Variants in CHRND observed in about 807,000 individuals in gnomAD.
CHRND encodes cholinergic receptor nicotinic delta subunit.
Under a neutral mutation model 57.8 loss-of-function variants are expected in CHRND, and 40 were observed. That is an observed-to-expected ratio of 0.69 (90% CI 0.54 to 0.90). The LOEUF (loss-of-function observed/expected upper bound fraction) is 0.90, where lower values mean the gene tolerates loss of function less well. Among genes scored for constraint, CHRND ranks in the 40% least tolerant of loss-of-function variants. CHRND has a pLI of 0.00. For missense variants in CHRND, 634 were observed against 673.9 expected (o/e 0.94, Z 0.66); for synonymous variants, 237 against 270.6 (o/e 0.88, Z 1.22).
chr2:232,535,953 C>T lies in CHRND; in HGVS notation c.*641C>T, dbSNP rs190008760. On this transcript the variant is annotated 3_prime_UTR_variant, in exon 12 of 12. Transcript: ENST00000258385. ...CACACACAATCCTAGAGGACCAGAA[C>T]GCAGCACCTCTCCCCAAAGGGTCCC... 148 of 454,142 alleles carry T rather than the reference C, an allele frequency of 3.3e-4. No homozygotes were observed. Among genetic ancestry groups the T allele is most frequent in the South Asian group, 1.1e-3 (74 of 64,480 alleles). The allele number at this position is 454,142 out of a possible 1,614,324, so 28.1% of individuals were successfully genotyped here.
rs763294373 is a variant in CHRND at position 232,526,526 on chromosome 2, C to T, written c.53-3C>T. 1.2e-6 allele frequency: 2 copies of T among 1,613,616 alleles called. No homozygotes were observed. The highest frequency in any genetic ancestry group is 1.7e-6 in the Non-Finnish European group (2 of 1,180,030). ...TTCAGTCCTTGTCGCTGACCCTCCC[C>T]AGGCAGCTGGGGGCTGAACGAGGAG... On this transcript the variant is annotated splice_region_variant and splice_polypyrimidine_tract_variant and intron_variant, in intron 1 of 11. Coordinates refer to ENST00000258385, the MANE Select transcript of CHRND (RefSeq NM_000751.3).
rs572811121 is a variant in CHRND, at chr2:232,528,935, G to A, written c.583G>A (p.Val195Met). The change falls in exon 6 of 12, where the codon GTG becomes ATG. Residue 195 changes from valine (V) to methionine (M), a missense_variant. By Grantham distance (21) the Val-to-Met change is conservative. Coordinates refer to ENST00000258385, the MANE Select transcript of CHRND (RefSeq NM_000751.3). ...QDAKENRTYP[V>M]EWIIIDPEGF... ...TGCCAAGGAGAACCGCACCTACCCCGTGGAGTGGATCATCATTGATCCTGA... is the reference window on the plus strand; with the variant it reads ...TGCCAAGGAGAACCGCACCTACCCCATGGAGTGGATCATCATTGATCCTGA... The A allele has an allele frequency of 1.5e-5, 24 of 1,614,068 alleles. 1 individual carries two copies. Among genetic ancestry groups the A allele is most frequent in the East Asian group, 1.1e-4 (5 of 44,876 alleles).
rs1014180637 is a variant in CHRND at position 232,536,170 on chromosome 2, T to C, written c.*858T>C. On this transcript the variant is annotated 3_prime_UTR_variant, in exon 12 of 12. Transcript: ENST00000258385. ...GGGCCAAAGGCCAAGGCTGCAGGAA[T>C]TGGGAGACAAGGGTCTGTTTGTATG... is the stretch of plus-strand genomic sequence containing the variant. The C allele has an allele frequency of 2.2e-6, 1 of 454,030 alleles. No individual in the cohort carries two copies. Among genetic ancestry groups the C allele is most frequent in the African/African-American group, 2.0e-5 (1 of 50,018 alleles). 28.1% of individuals were successfully genotyped at this position (454,030 alleles called of 1,614,324 possible). A position where few individuals can be genotyped will look rare whatever the true frequency, so the allele number is the denominator to read the frequency against.
chr2:232,531,612 T>G lies in CHRND; in HGVS notation c.1003T>G (p.Phe335Val), dbSNP rs1183468740. The G allele has an allele frequency of 2.5e-6, 4 of 1,613,712 alleles. No homozygotes were observed. Among genetic ancestry groups the G allele is most frequent in the Non-Finnish European group, 3.4e-6 (4 of 1,180,028 alleles). ...VICVIVLNIH[F>V]RTPSTHVLSE... Reference sequence around the variant, plus strand: ...CTGTGTCATCGTGCTCAACATCCACTTCCGAACACCCAGCACCCATGTGCT... The same window carrying G: ...CTGTGTCATCGTGCTCAACATCCACGTCCGAACACCCAGCACCCATGTGCT... Residue 335 changes from phenylalanine to valine, a missense_variant, in exon 9 of 12, where the codon TTC (phenylalanine) becomes GTC (valine). Transcript: ENST00000258385.
chr2:232,535,090 G>A, intron 11 of CHRND, 40 bp from the exon 12 acceptor site: 2 of 1,610,924 alleles, frequency 1.2e-6, no homozygotes, highest in Non-Finnish European at 1.7e-6. Context: ...TTTGTGGCCT[G>A]AGGCCCTTCT....
rs376017740 is a variant in CHRND at position 232,534,044 on chromosome 2, C to T, written c.1161C>T (p.Ala387=). 8.7e-6 allele frequency: 14 copies of T among 1,614,096 alleles called. 1 individual carries two copies. Among genetic ancestry groups the T allele is most frequent in the Middle Eastern group, 1.7e-4 (1 of 6,048 alleles). ...GCTCCCTGGGATACATCTCCAAGGC[C>T]GAGGAGTACTTCCTGCTCAAGTCCC... The part of the protein sequence containing the change: ...RSSSLGYISK[A]EEYFLLKSRS... The change falls in exon 10 of 12, where the codon GCC becomes GCT. Residue 387 remains alanine, a synonymous_variant. Coordinates refer to ENST00000258385, the MANE Select transcript of CHRND (RefSeq NM_000751.3).
Position 232,535,299 on chromosome 2 carries a change from A to G in CHRND, c.1541A>G (p.Lys514Arg). Residue 514 changes from lysine to arginine, a missense_variant, in exon 12 of 12, where the codon AAG (lysine) becomes AGG (arginine). Physicochemically the swap from Lys to Arg is conservative, Grantham distance 26 (BLOSUM62 2). Coordinates refer to ENST00000258385, the MANE Select transcript of CHRND (RefSeq NM_000751.3). ...GDPYSYNVQDKRFI is the reference protein window; with the variant it reads ...GDPYSYNVQDRRFI Reference sequence around the variant, plus strand: ...CCCTACTCCTACAACGTGCAGGACAAGCGCTTCATCTAGGGTGGGCCTGTT... The same window carrying G: ...CCCTACTCCTACAACGTGCAGGACAGGCGCTTCATCTAGGGTGGGCCTGTT... 1 of 1,613,768 alleles carries G rather than the reference A, an allele frequency of 6.2e-7. No homozygotes were observed. The highest frequency in any genetic ancestry group is 2.2e-5 in the East Asian group (1 of 44,882).
chr2:232,527,365 A>T (rs184608207), intron 2 of CHRND, 36 bp from the exon 3 acceptor site: 2 of 1,556,738 alleles, frequency 1.3e-6, no homozygotes, highest in East Asian at 4.5e-5. Context: ...AAAGAATGAT[A>T]TGGCCCTGAA....
rs768222852 is a variant in CHRND, at chr2:232,526,272, G to A, written c.52+5G>A. 5 of 1,611,930 alleles carry A rather than the reference G, an allele frequency of 3.1e-6. No homozygotes were observed. Among genetic ancestry groups the A allele is most frequent in the Non-Finnish European group, 8.5e-7 (1 of 1,179,268 alleles). On this transcript the variant is annotated splice_donor_5th_base_variant and intron_variant, in intron 1 of 11. Transcript: ENST00000258385. ...TGGCTGCCCTGGCGGTGTGTGGTAA[G>A]GGAAGACACCCTCCCCACCCTGGGG...
At chr2:232,532,724 T>C (rs1458457461) in intron 9 of CHRND, among the ~76,000 whole-genome samples, 1 of 152,200 alleles carries the variant, frequency 6.6e-6, no homozygotes, top group Non-Finnish European at 1.5e-5. Flanking sequence ...TGTTTGGTGA[T>C]GGAAGTCAGA....
chr2:232,526,476 C>T (rs1466348020), intron 1 of CHRND, 53 bp from the exon 2 acceptor site: 8 of 1,611,928 alleles, frequency 5.0e-6, no homozygotes, highest in African/African-American at 1.3e-5. Context: ...CAGCTTCCTT[C>T]CTGAGTCCCC....
At chr2:232,529,802 C>A in intron 6 of CHRND, 137 bp from the exon 7 acceptor site, 1 of 817,144 alleles carries the variant, frequency 1.2e-6, no homozygotes. Context: ...GGAACGACAC[C>A]CACCAACGGG....
rs959978268 is a variant in CHRND at position 232,530,162 on chromosome 2, C to T, written c.820+23C>T. 3.7e-6 allele frequency: 6 copies of T among 1,611,530 alleles called. No homozygotes were observed. The African/African-American group carries it at 8.0e-5, about 22-fold the overall frequency. ...ACAGTGAGCCTCCAGGCCCCGTCCC[C>T]TGCTCCCCCTCCCCAAGCCCACCTG... On this transcript the variant is annotated intron_variant, in intron 7 of 11. Coordinates refer to ENST00000258385, the MANE Select transcript of CHRND (RefSeq NM_000751.3).
chr2:232,535,319 C>T lies in CHRND; in HGVS notation c.*7C>T, dbSNP rs756423075. On this transcript the variant is annotated 3_prime_UTR_variant, in exon 12 of 12. Transcript: ENST00000258385. Reference sequence around the variant, plus strand: ...GGACAAGCGCTTCATCTAGGGTGGGCCTGTTGGGGAGCCAGGAGACAGCAG... The same window carrying T: ...GGACAAGCGCTTCATCTAGGGTGGGTCTGTTGGGGAGCCAGGAGACAGCAG... 4 of 1,612,412 alleles carry T rather than the reference C, an allele frequency of 2.5e-6. No individual in the cohort carries two copies. Among genetic ancestry groups the T allele is most frequent in the African/African-American group, 2.7e-5 (2 of 74,922 alleles).
intron 7 of CHRND, 111 bp downstream of exon 7, chr2:232,530,250 C>A: frequency 9.0e-7 from 1 of 1,105,244 alleles, no homozygotes; most frequent in South Asian, 1.3e-5. Context: ...GGTCTCCATT[C>A]CTGGAGCTCC....
At chr2:232,527,291 G>T in intron 2 of CHRND, 110 bp from the exon 3 acceptor site, 1 of 1,000,590 alleles carries the variant, frequency 1.0e-6, no homozygotes. Flanking sequence ...GGGCAATTGA[G>T]CAAGACCCTG....
Position 232,535,673 on chromosome 2 carries a change from A to G in CHRND, c.*361A>G, listed in dbSNP as rs996555745. 4.1e-6 allele frequency: 2 copies of G among 482,466 alleles called. No homozygotes were observed. The highest frequency in any genetic ancestry group is 8.1e-6 in the Non-Finnish European group (2 of 246,428). 29.9% of individuals were successfully genotyped at this position (482,466 alleles called of 1,614,324 possible). ...CTTCTCCTCCCCCAAGGTGTGGGGT[A>G]GAGCAGGCAGGAATCTGCGCCTTCA... On this transcript the variant is annotated 3_prime_UTR_variant, in exon 12 of 12. Transcript: ENST00000258385.
chr2:232,528,907 G>C lies in CHRND; in HGVS notation c.555G>C (p.Gln185His), dbSNP rs1487566611. ...AAGAGATCACCCTGAGCCTGAAACA[G>C]GATGCCAAGGAGAACCGCACCTACC... is the stretch of plus-strand genomic sequence containing the variant. The part of the protein sequence containing the change: ...TAKEITLSLK[Q>H]DAKENRTYPV... The change falls in exon 6 of 12, where the codon CAG (glutamine) becomes CAC (histidine). Residue 185 changes from glutamine (Q) to histidine (H), a missense_variant. Gln to His is a conservative substitution (Grantham distance 24, BLOSUM62 0). Coordinates refer to ENST00000258385, the MANE Select transcript of CHRND (RefSeq NM_000751.3). The C allele has an allele frequency of 6.2e-7, 1 of 1,613,998 alleles. No individual in the cohort carries two copies. Among genetic ancestry groups the C allele is most frequent in the Non-Finnish European group, 8.5e-7 (1 of 1,180,028 alleles).
rs770727822 is a variant in CHRND at position 232,526,600 on chromosome 2, C to T, written c.124C>T (p.Leu42Phe). The T allele has an allele frequency of 6.2e-6, 10 of 1,613,842 alleles. No individual in the cohort carries two copies. In the South Asian group the frequency reaches 8.8e-5, roughly 14 times the overall value. ...LFQEKGYNKELRPVAHKEESV... is the reference protein window; with the variant it reads ...LFQEKGYNKEFRPVAHKEESV... ...TCAAGAGAAGGGCTACAACAAGGAG[C>T]TCCGGCCCGTGGCACACAAAGAGGA... The change falls in exon 2 of 12, where the codon CTC becomes TTC. Residue 42 changes from leucine (L) to phenylalanine (F), a missense_variant. By Grantham distance (22) the Leu-to-Phe change is conservative. Transcript: ENST00000258385.
Sources: gnomAD v4.1 joint callset for allele counts (sites outside exome capture counted in the v4.1 genomes callset) on GRCh38, gnomAD v4.1.1 for gene constraint, MANE v1.5 for transcripts, NCBI Gene and HGNC (gene_info 2026-07-23, HGNC 2026-07-21) for gene names.